The following USP6 variants were observed in gnomAD, a reference collection of about 807,000 sequenced individuals.
USP6 encodes the protein ubiquitin carboxyl-terminal hydrolase 6.
USP6 carries 128 observed loss-of-function variants against 175.7 expected under a neutral mutation model. That is an observed-to-expected ratio of 0.73 (90% CI 0.63 to 0.84). USP6 has a LOEUF of 0.84. USP6 is among the 40% of genes least tolerant of loss of function. The pLI is 0.00. For missense variants in USP6, 1,498 were observed against 1,760.3 expected (o/e 0.85, Z 2.67); for synonymous variants, 562 against 630.6 (o/e 0.89, Z 1.63).
In USP6 at chr17:5,174,132, A is replaced by T. The variant is rs1203717678; in HGVS notation, c.*1154A>T. On this transcript the variant is annotated 3_prime_UTR_variant, in exon 38 of 38. Coordinates refer to ENST00000574788, the MANE Select transcript of USP6 (RefSeq NM_001304284.2). ...TTTATTTTGATATTTGTCTTTTTTT[A>T]AATTTTACAGTAGTCATTGAAAGTT... 1.0e-5 allele frequency: 2 copies of T among 199,530 alleles called. No homozygotes were observed. The highest frequency in any genetic ancestry group is 4.6e-5 in the African/African-American group (2 of 43,548). The allele number at this position is 199,530 out of a possible 1,614,324, so 12.4% of individuals were successfully genotyped here. A position where few individuals can be genotyped will look rare whatever the true frequency, so the allele number is the denominator to read the frequency against.
chr17:5,134,937 G>T (rs747396366), intron 15 of USP6: 36 of 385,768 alleles, frequency 9.3e-5, no homozygotes, highest in Non-Finnish European at 1.5e-4. Flanking sequence ...CTGCACATTG[G>T]TTTGGAACCA....
intron 4 of USP6, among the ~76,000 whole-genome samples, chr17:5,123,510 C>T (rs547111988): frequency 2.0e-4 from 30 of 152,198 alleles, no homozygotes; most frequent in Non-Finnish European, 3.8e-4. Context: ...GGTGAGTGTG[C>T]GGGCTGCCCA....
chr17:5,167,314 C>CA lies in USP6; in HGVS notation c.3037-617dup, dbSNP rs147457821. ...CACCCCTGGCTTGAGGGCCAGCTCA[C>CA]ATGTAACCCCTTATAGGATTCCAAA... On this transcript the variant is annotated intron_variant, in intron 33 of 37. Transcript: ENST00000574788. Among the ~76,000 whole-genome samples the CA allele has an allele frequency of 7.3e-3, 1,114 of 152,370 alleles. 19 individuals carry two copies. The highest frequency in any genetic ancestry group is 0.025 in the African/African-American group (1,029 of 41,586).
chr17:5,138,429 C>G (rs932565450), intron 21 of USP6, among the ~76,000 whole-genome samples, 156 bp downstream of exon 21: 1 of 152,156 alleles, frequency 6.6e-6, no homozygotes, highest in Non-Finnish European at 1.5e-5. Context: ...GGAGGCCCAC[C>G]GGTCCTCAGG....
intron 3 of USP6, 88 bp from the exon 4 acceptor site, chr17:5,121,287 G>A (rs1019879816): frequency 1.3e-4 from 47 of 358,376 alleles, no homozygotes; most frequent in Non-Finnish European, 2.5e-4. Context: ...AGAGGCCAGG[G>A]AGGGGCTAGG....
At chr17:5,130,766 T>G (rs1441584047) in intron 11 of USP6, 82 bp downstream of exon 11, 1 of 1,543,046 alleles carries the variant, frequency 6.5e-7, no homozygotes, top group Non-Finnish European at 8.9e-7. Flanking sequence ...AAGGCCTTTC[T>G]GATGCAGGAC....
chr17:5,135,349 G>C, intron 16 of USP6, 67 bp downstream of exon 16: 3 of 1,580,456 alleles, frequency 1.9e-6, no homozygotes, highest in Non-Finnish European at 1.7e-6. Context: ...GTGTCTGGTG[G>C]GGGTGTCGTT....
intron 31 of USP6, among the ~76,000 whole-genome samples, chr17:5,157,915 T>C (rs2144094583): frequency 6.7e-6 from 1 of 149,518 alleles, no homozygotes; most frequent in Admixed American, 6.6e-5. Flanking sequence ...CGTGAGCCAC[T>C]GCACCCGGCC....
intron 8 of USP6, 136 bp from the exon 9 acceptor site, chr17:5,129,800 C>T (rs1194793797): frequency 1.2e-5 from 2 of 160,676 alleles, no homozygotes; most frequent in African/African-American, 4.8e-5. Flanking sequence ...TCATTTTCAT[C>T]CCCAAAACCA....
chr17:5,153,711 A>G (rs879814943), intron 30 of USP6, among the ~76,000 whole-genome samples: 4 of 151,282 alleles, frequency 2.6e-5, no homozygotes, highest in Non-Finnish European at 5.9e-5. Context: ...GCTGGAGTGC[A>G]ATGGCACGAT....
intron 30 of USP6, among the ~76,000 whole-genome samples, chr17:5,149,209 C>T (rs1258805442): frequency 2.0e-5 from 3 of 152,082 alleles, no homozygotes; most frequent in Non-Finnish European, 2.9e-5. Context: ...TCGAGAACAG[C>T]CTGGCCAACA....
intron 4 of USP6, among the ~76,000 whole-genome samples, chr17:5,124,076 G>C (rs1372591147): frequency 2.6e-5 from 4 of 152,208 alleles, no homozygotes; most frequent in African/African-American, 7.2e-5. Context: ...TGTGTGGACA[G>C]GCTGCCTACC....
rs1214426489 is a variant in USP6 at position 5,139,547 on chromosome 17, C to T, written c.1371C>T (p.Leu457=). Residue 457 remains leucine, a synonymous_variant, in exon 22 of 38, where the codon CTC becomes CTT. Transcript: ENST00000574788. ...RFLEWKSMPR[L]PTDLDIGGPW... is the part of the protein sequence containing the mutation. ...TGGAGTGGAAGTCAATGCCCCGGCT[C>T]CCAACGGACCTGGATATAGGGGGCC... is the stretch of plus-strand genomic sequence containing the variant. 7 of 1,613,800 alleles carry T rather than the reference C, an allele frequency of 4.3e-6. No homozygotes were observed. In the South Asian group the frequency reaches 7.7e-5, roughly 18 times the overall value.
chr17:5,162,744 G>A, intron 32 of USP6, 140 bp from the exon 33 acceptor site: 3 of 1,206,242 alleles, frequency 2.5e-6, no homozygotes, highest in Non-Finnish European at 3.4e-6. Flanking sequence ...ATTTATCAGA[G>A]TCTGAAGTTA....
rs2073631044 is a variant in USP6 at position 5,147,029 on chromosome 17, T to G, written c.2320-54T>G. ...TTTGAAATACATTAGAGAGAGAACT[T>G]TTCCTTTTTATCTGAAACATCTCCC... is the stretch of plus-strand genomic sequence containing the variant. On this transcript the variant is annotated intron_variant, in intron 28 of 37. Coordinates refer to ENST00000574788, the MANE Select transcript of USP6 (RefSeq NM_001304284.2). 2.6e-6 allele frequency: 4 copies of G among 1,524,442 alleles called. No homozygotes were observed. The East Asian group carries it at 9.2e-5, about 35-fold the overall frequency. The allele number at this position is 1,524,442 out of a possible 1,614,324, so 94.4% of individuals were successfully genotyped here.
intron 25 of USP6, 27 bp from the exon 26 acceptor site, chr17:5,144,663 T>A: frequency 1.2e-6 from 2 of 1,608,676 alleles, no homozygotes; most frequent in Non-Finnish European, 1.7e-6. Flanking sequence ...TAGGAAATAA[T>A]GACTGTGACT....
At chr17:5,143,257 C>A (rs967091197) in intron 25 of USP6, among the ~76,000 whole-genome samples, 5 of 152,190 alleles carry the variant, frequency 3.3e-5, no homozygotes, top group Non-Finnish European at 1.5e-5. Flanking sequence ...GGAGGTGTAC[C>A]CAACAGCTCA....
chr17:5,158,422 C>T (rs1267262053), intron 31 of USP6, among the ~76,000 whole-genome samples: 1 of 152,024 alleles, frequency 6.6e-6, no homozygotes, highest in African/African-American at 2.4e-5. Context: ...CAAAAATTAG[C>T]TGGGCATGGT....
chr17:5,168,547 C>T (rs1444586543), intron 34 of USP6, among the ~76,000 whole-genome samples: 3 of 152,250 alleles, frequency 2.0e-5, no homozygotes, highest in East Asian at 1.9e-4. Context: ...GCTGTGGCCA[C>T]ACTGCTGAGT....
Sources: allele counts gnomAD v4.1 joint callset (sites outside exome capture counted in the v4.1 genomes callset), GRCh38; gene constraint gnomAD v4.1.1; transcripts MANE v1.5; gene names NCBI Gene and HGNC (gene_info 2026-07-23, HGNC 2026-07-21).